Variants in RBFOX1 observed in about 807,000 individuals in gnomAD.
RBFOX1 encodes RNA binding protein fox-1 homolog 1.
In RBFOX1, 8 loss-of-function variants were observed where a neutral mutation model predicts 57.7. That is an observed-to-expected ratio of 0.14 (90% CI 0.08 to 0.25). The LOEUF (loss-of-function observed/expected upper bound fraction) is 0.25, where lower values mean the gene tolerates loss of function less well. Ranked by LOEUF, RBFOX1 falls within the 10% of genes least tolerant of loss-of-function variation. The probability of loss-of-function intolerance (pLI) is 1.00; values close to 1 mark genes in which losing one functional copy is unlikely to be tolerated. For synonymous variants in RBFOX1, 326 were observed against 222.4 expected (o/e 1.47, Z -4.15); for missense variants, 611 against 548.5 (o/e 1.11, Z -1.14).
chr16:7,571,414 T>A (rs1445404166), intron 5 of RBFOX1, among the ~76,000 whole-genome samples: 1 of 152,170 alleles, frequency 6.6e-6, no homozygotes, highest in African/African-American at 2.4e-5. Context: ...GATATCAAAA[T>A]CCAATTTCAC....
chr16:6,657,102 C>G (rs1603075050), intron 3 of RBFOX1, among the ~76,000 whole-genome samples: 1 of 133,362 alleles, frequency 7.5e-6, no homozygotes, highest in East Asian at 2.4e-4. Flanking sequence ...CCTTTACTCT[C>G]CTCTCCTCCC....
intron 7 of RBFOX1, among the ~76,000 whole-genome samples, chr16:7,591,931 A>G (rs2152925956): frequency 6.6e-6 from 1 of 152,328 alleles, no homozygotes; most frequent in Non-Finnish European, 1.5e-5. Context: ...GCACCTGTGC[A>G]TCGTGGCAAA....
chr16:7,156,982 A>G (rs1283621306), intron 4 of RBFOX1, among the ~76,000 whole-genome samples: 2 of 152,212 alleles, frequency 1.3e-5, no homozygotes, highest in Non-Finnish European at 2.9e-5. Flanking sequence ...CACTTCCCTT[A>G]TAACAAACAT....
intron 3 of RBFOX1, among the ~76,000 whole-genome samples, chr16:6,834,013 C>T (rs956569555): frequency 1.3e-5 from 2 of 151,996 alleles, no homozygotes; most frequent in East Asian, 1.9e-4. Flanking sequence ...CACTGGGAAG[C>T]CATTGGAGGA....
intron 2 of RBFOX1, among the ~76,000 whole-genome samples, chr16:6,654,165 G>T (rs1464950035): frequency 6.8e-6 from 1 of 147,554 alleles, no homozygotes; most frequent in Non-Finnish European, 1.5e-5. Flanking sequence ...TGAATGGATG[G>T]ATGGTTGGAT....
At chr16:5,414,329 T>C (rs2067102644) in intron 1 of RBFOX1, among the ~76,000 whole-genome samples, 1 of 152,136 alleles carries the variant, frequency 6.6e-6, no homozygotes, top group South Asian at 2.1e-4. Context: ...AGATTCAGTG[T>C]TTGTTCCACT....
intron 14 of RBFOX1, among the ~76,000 whole-genome samples, chr16:7,693,706 A>T (rs932980915): frequency 2.6e-5 from 4 of 152,186 alleles, no homozygotes; most frequent in Non-Finnish European, 4.4e-5. Flanking sequence ...ACACAGACGT[A>T]TGACTTCCAT....
intron 4 of RBFOX1, among the ~76,000 whole-genome samples, chr16:7,057,159 C>A (rs1282049333): frequency 1.3e-5 from 2 of 152,146 alleles, no homozygotes; most frequent in Non-Finnish European, 2.9e-5. Flanking sequence ...GAACACATAT[C>A]TACTGCCACC....
intron 4 of RBFOX1, among the ~76,000 whole-genome samples, chr16:7,328,972 T>A (rs1013893657): frequency 1.3e-5 from 2 of 152,128 alleles, no homozygotes; most frequent in African/African-American, 2.4e-5. Flanking sequence ...AAACTTTTTT[T>A]AAAAAAAGAA....
chr16:6,574,301 C>G (rs11649674), intron 2 of RBFOX1, among the ~76,000 whole-genome samples: 4,343 of 152,148 alleles, frequency 0.029, 72 homozygotes, highest in Middle Eastern at 0.061. Flanking sequence ...CCGGCTCTGC[C>G]TAGGTCTCCC....
intron 1 of RBFOX1, among the ~76,000 whole-genome samples, chr16:5,249,026 G>T (rs1417892734): frequency 4.6e-5 from 7 of 151,266 alleles, no homozygotes; most frequent in Admixed American, 3.3e-4. Context: ...GACAAGAGGA[G>T]GAGGGAAGAG....
chr16:5,552,524 CAG>C (rs1283533707), intron 2 of RBFOX1, among the ~76,000 whole-genome samples: 4 of 152,194 alleles, frequency 2.6e-5, no homozygotes, highest in Non-Finnish European at 4.4e-5. Flanking sequence ...CACACCTAGT[CAG>C]GGGCAGAGAA....
At chr16:5,323,421 C>T (rs575187713) in intron 1 of RBFOX1, among the ~76,000 whole-genome samples, 4 of 152,212 alleles carry the variant, frequency 2.6e-5, no homozygotes, top group Non-Finnish European at 4.4e-5. Flanking sequence ...AACTCTGCTG[C>T]GGTGACCCTG....
chr16:6,993,696 G>C (rs1024124087), intron 3 of RBFOX1, among the ~76,000 whole-genome samples: 1 of 152,102 alleles, frequency 6.6e-6, no homozygotes, highest in Non-Finnish European at 1.5e-5. Context: ...TATATTTAAT[G>C]TTTCTCCCTC....
rs369343474 is a variant in RBFOX1, at chr16:6,252,799, A to G, written c.-126-64196A>G. Among the ~76,000 whole-genome samples the G allele has an allele frequency of 3.9e-5, 6 of 152,288 alleles. No homozygotes were observed. The East Asian group carries it at 9.7e-4, about 25-fold the overall frequency. On this transcript the variant is annotated intron_variant, in intron 1 of 15. Transcript: ENST00000550418. ...TTTAAATTCTGCGTAGGGAATTAGC[A>G]AACAGTTCCTGATAACCACATTCTG...
At chr16:7,229,520 G>T (rs2093352061) in intron 4 of RBFOX1, among the ~76,000 whole-genome samples, 4 of 150,520 alleles carry the variant, frequency 2.7e-5, no homozygotes, top group Admixed American at 2.7e-4. Flanking sequence ...GGAAAGGAAA[G>T]GAGAGGAGAG....
intron 4 of RBFOX1, among the ~76,000 whole-genome samples, chr16:7,413,709 T>C (rs1202923180): frequency 5.3e-5 from 8 of 152,070 alleles, no homozygotes; most frequent in Non-Finnish European, 7.4e-5. Flanking sequence ...CAGAAATGGA[T>C]AGGATTCAAA....
chr16:6,918,329 C>G (rs1013304744), intron 3 of RBFOX1, among the ~76,000 whole-genome samples: 3 of 151,434 alleles, frequency 2.0e-5, no homozygotes, highest in Non-Finnish European at 4.4e-5. Flanking sequence ...CACCCCAGGC[C>G]TACCGAATCA....
rs573591205 is a variant in RBFOX1, at chr16:7,566,106, T to A, written c.271-13671T>A. 3.9e-5 allele frequency among the ~76,000 whole-genome samples: 6 copies of A among 152,272 alleles called. No homozygotes were observed. The South Asian group carries it at 6.2e-4, about 16-fold the overall frequency. On this transcript the variant is annotated intron_variant, in intron 5 of 15. Transcript: ENST00000550418. ...ATATTCTAGGAAGCATTTGATATGGTGTTTAGTCATGGGGTGCTCATATTC... is the reference window on the plus strand; with the variant it reads ...ATATTCTAGGAAGCATTTGATATGGAGTTTAGTCATGGGGTGCTCATATTC...
Sources: allele counts gnomAD v4.1 joint callset (sites outside exome capture counted in the v4.1 genomes callset), GRCh38; gene constraint gnomAD v4.1.1; transcripts MANE v1.5; gene names NCBI Gene and HGNC (gene_info 2026-07-23, HGNC 2026-07-21).